Variants in DYNC2H1 observed in about 807,000 individuals in gnomAD.
The protein encoded by DYNC2H1 is cytoplasmic dynein 2 heavy chain 1.
Under a neutral mutation model 570.0 loss-of-function variants are expected in DYNC2H1, and 410 were observed. The ratio of observed to expected loss-of-function variants is 0.72; its 90% CI spans 0.66 to 0.78. The LOEUF is 0.78. Ranked by LOEUF, DYNC2H1 falls within the 30% of genes least tolerant of loss-of-function variation. DYNC2H1 has a pLI of 0.00. For synonymous variants in DYNC2H1, 1,688 were observed against 1,677.6 expected, an observed-to-expected ratio of 1.01 and a Z score of -0.15; for missense variants, 4,865 against 5,046.4, an observed-to-expected ratio of 0.96 and a Z score of 1.09.
At position 103,268,727 on chromosome 11, in the gene DYNC2H1, A is replaced by G. The variant is rs1254396782; in HGVS notation, c.10695+8750A>G. Among the ~76,000 whole-genome samples, 1 of 152,000 alleles carries G rather than the reference A, an allele frequency of 6.6e-6. No individual in the cohort carries two copies. Among genetic ancestry groups the G allele is most frequent in the Non-Finnish European group, 1.5e-5 (1 of 67,912 alleles). The stretch of plus-strand genomic sequence containing the variant: ...AGTGGATATGTTATAAATAAATATT[A>G]TTATTAAAAATTGTTTATGGCAAAA... On this transcript the variant is annotated intron_variant, in intron 70 of 88. Transcript: ENST00000375735. This position sits in a 1 kb window ranked among gnomAD's most constrained non-coding sequence, Gnocchi z 4.6.
chr11:103,155,634 A>T, intron 25 of DYNC2H1, 133 bp downstream of exon 25: 1 of 859,834 alleles, frequency 1.2e-6, no homozygotes, highest in East Asian at 3.0e-5. Context: ...AAACAAACAC[A>T]AATCATTTTA....
chr11:103,402,264 A>G (rs1350679884), intron 84 of DYNC2H1: 2 of 152,198 alleles, frequency 1.3e-5, no homozygotes, highest in Non-Finnish European at 2.9e-5. Context: ...ATTCTGGTGT[A>G]GGAGCTAGAC....
chr11:103,292,577 T>C (rs1432079196), intron 75 of DYNC2H1, among the ~76,000 whole-genome samples: 1 of 152,224 alleles, frequency 6.6e-6, no homozygotes, highest in African/African-American at 2.4e-5. Context: ...TCATGTTGAA[T>C]TGTAATCCCC....
At position 103,155,497 on chromosome 11, in the gene DYNC2H1, T is replaced by TTA; in HGVS notation, c.3741_3742dup (p.Lys1248IlefsTer4). The TTA allele has an allele frequency of 6.2e-7, 1 of 1,605,300 alleles. No individual in the cohort carries two copies. Among genetic ancestry groups the TTA allele is most frequent in the Non-Finnish European group, 8.5e-7 (1 of 1,176,816 alleles). Reference sequence around the variant, plus strand: ...ACAATTGTAGCCAAAGCTGCCGACCTTAAAGTATGAATCACTTTTATAAAT... The same window carrying TTA: ...ACAATTGTAGCCAAAGCTGCCGACCTTATAAAGTATGAATCACTTTTATAAAT... On this transcript the variant is annotated frameshift_variant, in exon 25 of 89. Transcript: ENST00000375735. LOFTEE classifies it high-confidence loss of function.
chr11:103,179,581 T>C (rs556175716), intron 39 of DYNC2H1, among the ~76,000 whole-genome samples: 1 of 151,954 alleles, frequency 6.6e-6, no homozygotes, highest in South Asian at 2.1e-4. Context: ...GAGCTAATAA[T>C]TTAAAGCTGA....
At chr11:103,470,438 A>C (rs1401817503) in intron 88 of DYNC2H1, among the ~76,000 whole-genome samples, 1 of 152,262 alleles carries the variant, frequency 6.6e-6, no homozygotes, top group South Asian at 2.1e-4. Flanking sequence ...TTTTATTATT[A>C]TTCTTTAAGT....
chr11:103,430,811 C>T (rs1347575005), intron 84 of DYNC2H1, among the ~76,000 whole-genome samples: 2 of 152,066 alleles, frequency 1.3e-5, no homozygotes, highest in Non-Finnish European at 2.9e-5. Context: ...TGATCTCCAC[C>T]AGAAAGCCTT....
At chr11:103,197,727 C>T (rs1409526875) in intron 47 of DYNC2H1, among the ~76,000 whole-genome samples, 2 of 152,128 alleles carry the variant, frequency 1.3e-5, no homozygotes, top group African/African-American at 2.4e-5. Flanking sequence ...GTATTATAGG[C>T]GTGGGCCACC....
At chr11:103,207,848 T>C (rs1863000649) in intron 52 of DYNC2H1, among the ~76,000 whole-genome samples, 1 of 152,122 alleles carries the variant, frequency 6.6e-6, no homozygotes, top group Admixed American at 6.6e-5. Context: ...GACAAAACAA[T>C]TGAAGGCAAG....
intron 18 of DYNC2H1, among the ~76,000 whole-genome samples, chr11:103,147,233 T>A (rs181837639): frequency 2.1e-4 from 32 of 152,306 alleles, no homozygotes; most frequent in African/African-American, 7.2e-4. Context: ...GGAATTCTGT[T>A]TGCCCACAAA....
intron 82 of DYNC2H1, among the ~76,000 whole-genome samples, chr11:103,340,831 C>T (rs1182025252): frequency 6.6e-6 from 1 of 152,018 alleles, no homozygotes; most frequent in Non-Finnish European, 1.5e-5. Flanking sequence ...GTTGCTAGAA[C>T]AGTTGATTCA....
chr11:103,187,949 GGTCAT>G (rs1862141695), intron 43 of DYNC2H1, among the ~76,000 whole-genome samples: 1 of 151,858 alleles, frequency 6.6e-6, no homozygotes, highest in Non-Finnish European at 1.5e-5. Flanking sequence ...AGTTAGACTT[GGTCAT>G]GTTTTTTTCT....
chr11:103,419,484 T>A (rs543479459), intron 84 of DYNC2H1, among the ~76,000 whole-genome samples: 2 of 151,148 alleles, frequency 1.3e-5, no homozygotes, highest in South Asian at 2.1e-4. Context: ...TGCCTCCAGA[T>A]ACAGGAAAAA....
At position 103,181,883 on chromosome 11, in the gene DYNC2H1, G is replaced by C; in HGVS notation, c.6474G>C (p.Lys2158Asn). Residue 2158 changes from lysine to asparagine, a missense_variant, in exon 40 of 89, where the codon AAG (lysine) becomes AAC (asparagine). Transcript: ENST00000375735. The surrounding 1 kb of genome is among the most constrained non-coding windows in gnomAD (Gnocchi z 5.0). The stretch of plus-strand genomic sequence containing the variant: ...AAAAGGCTTTACAATGGGTTCTAAA[G>C]CAGGTAAATTAACCATAATATTTCA... ...YFEKALQWVLKQNDYVVETSL... is the reference protein window; with the variant it reads ...YFEKALQWVLNQNDYVVETSL... 6.2e-7 allele frequency: 1 copy of C among 1,603,608 alleles called. No homozygotes were observed. Among genetic ancestry groups the C allele is most frequent in the Non-Finnish European group, 8.5e-7 (1 of 1,174,352 alleles).
At position 103,479,467 on chromosome 11, in the gene DYNC2H1, C is replaced by T; in HGVS notation, c.*214C>T. 1 of 432,516 alleles carries T rather than the reference C, an allele frequency of 2.3e-6. No homozygotes were observed. The highest frequency in any genetic ancestry group is 4.5e-5 in the Admixed American group (1 of 22,048). The allele number at this position is 432,516 out of a possible 1,614,324, so 26.8% of individuals were successfully genotyped here. A position where few individuals can be genotyped will look rare whatever the true frequency, so the allele number is the denominator to read the frequency against. On this transcript the variant is annotated 3_prime_UTR_variant, in exon 89 of 89. Transcript: ENST00000375735. ...GGAGTTATTGTTAAAACAGAGTATT[C>T]TTTTGACAACATTAAATATTTCTGT...
At position 103,369,822 on chromosome 11, in the gene DYNC2H1, G is replaced by A. The variant is rs2135551543; in HGVS notation, c.12156+11463G>A. Among the ~76,000 whole-genome samples, 1 of 152,330 alleles carries A rather than the reference G, an allele frequency of 6.6e-6. No homozygotes were observed. Among genetic ancestry groups the A allele is most frequent in the Admixed American group, 6.5e-5 (1 of 15,308 alleles). On this transcript the variant is annotated intron_variant, in intron 83 of 88. Transcript: ENST00000375735. This position sits in a 1 kb window ranked among gnomAD's most constrained non-coding sequence, Gnocchi z 4.0. Reference sequence around the variant, plus strand: ...GCATAACCAGCAGCAATACCCACGTGTACTACATTGAGGGCCTTGGGTGAG... The same window carrying A: ...GCATAACCAGCAGCAATACCCACGTATACTACATTGAGGGCCTTGGGTGAG...
rs760246017 is a variant in DYNC2H1 at position 103,135,810 on chromosome 11, G to A, written c.2436G>A (p.Gln812=). 3 of 1,613,274 alleles carry A rather than the reference G, an allele frequency of 1.9e-6. No individual in the cohort carries two copies. The highest frequency in any genetic ancestry group is 3.3e-5 in the Admixed American group (2 of 59,850). The change falls in exon 17 of 89, where the codon CAG becomes CAA. Residue 812 remains glutamine, a synonymous_variant. Transcript: ENST00000375735. The part of the protein sequence containing the change: ...EMKRFIGIPN[Q]FKGVGEAGDE... ...AGAGATTCATCGGCATTCCAAATCAGTTTAAGGGAGTGGGTGAGGCAGGAG... is the reference window on the plus strand; with the variant it reads ...AGAGATTCATCGGCATTCCAAATCAATTTAAGGGAGTGGGTGAGGCAGGAG...
At chr11:103,297,360 T>A (rs1250148297) in intron 75 of DYNC2H1, among the ~76,000 whole-genome samples, 2 of 152,160 alleles carry the variant, frequency 1.3e-5, no homozygotes, top group African/African-American at 4.8e-5. Flanking sequence ...GTTAAACAGT[T>A]GTTTAACAGT....
intron 40 of DYNC2H1, among the ~76,000 whole-genome samples, chr11:103,183,158 T>G (rs542309068): frequency 6.6e-6 from 1 of 152,038 alleles, no homozygotes; most frequent in East Asian, 1.9e-4. Context: ...TGATATTAAG[T>G]GATAGCAAAT....
Sources: gnomAD v4.1 joint callset for allele counts (sites outside exome capture counted in the v4.1 genomes callset) on GRCh38, gnomAD v4.1.1 for gene constraint, Gnocchi (gnomAD v3.1) non-coding constraint, MANE v1.5 for transcripts, NCBI Gene and HGNC (gene_info 2026-07-23, HGNC 2026-07-21) for gene names.